The following ANKH variants were observed in gnomAD, a reference collection of about 807,000 sequenced individuals.
The protein encoded by ANKH is ANKH inorganic pyrophosphate transport regulator, also known as mineralization regulator ANKH.
A neutral mutation model predicts 49.0 loss-of-function variants in ANKH; 15 were observed. The observed-to-expected ratio is 0.31, with a 90% CI of 0.20 to 0.47. The LOEUF (loss-of-function observed/expected upper bound fraction) is 0.47. Ranked by LOEUF, ANKH falls within the 20% of genes least tolerant of loss-of-function variation. ANKH has a pLI of 1.00. For missense variants in ANKH, 429 were observed against 652.0 expected, an observed-to-expected ratio of 0.66 and a Z score of 3.72; for synonymous variants, 273 against 260.0, an observed-to-expected ratio of 1.05 and a Z score of -0.48.
chr5:14,850,639 C>A (rs1742097740), intron 1 of ANKH, among the ~76,000 whole-genome samples: 1 of 152,182 alleles, frequency 6.6e-6, no homozygotes, highest in African/African-American at 2.4e-5. Context: ...CCTGGAAAGG[C>A]AGGGTGAATG....
At position 14,805,397 on chromosome 5, in the gene ANKH, C is replaced by CGT. The variant is rs77663812; in HGVS notation, c.97-36208_97-36207dup. ...ATATATGTGTGTATGTGTATATATA[C>CGT]GTGTGTGTGTGTGTGTGTGTGTATC... On this transcript the variant is annotated intron_variant, in intron 1 of 11. Transcript: ENST00000284268. 3.1e-3 allele frequency among the ~76,000 whole-genome samples: 407 copies of CGT among 133,198 alleles called. 1 individual carries two copies. Among genetic ancestry groups the CGT allele is most frequent in the African/African-American group, 6.1e-3 (215 of 35,396 alleles). 87.4% of individuals were successfully genotyped at this position (133,198 alleles called of 152,430 possible). A position where few individuals can be genotyped will look rare whatever the true frequency, so the allele number is the denominator to read the frequency against.
At chr5:14,746,101 AAGCACAGGAC>A (rs1298378334) in intron 6 of ANKH, 139 bp from the exon 7 acceptor site, 1 of 738,476 alleles carries the variant, frequency 1.4e-6, no homozygotes, top group Non-Finnish European at 2.4e-6. Context: ...AACATCAGGC[AAGCACAGGAC>A]GGCCCAGGAC....
chr5:14,716,934 G>T, intron 8 of ANKH, 99 bp from the exon 9 acceptor site: 7 of 1,493,612 alleles, frequency 4.7e-6, no homozygotes, highest in Middle Eastern at 1.7e-4. Flanking sequence ...TTACGAAAGA[G>T]GGACAACCGG....
In ANKH at chr5:14,708,468, GTTTC is replaced by G. The variant is rs1303142486; in HGVS notation, c.*2725_*2728del. 6.6e-6 allele frequency: 1 copy of G among 152,204 alleles called. No homozygotes were observed. Among genetic ancestry groups the G allele is most frequent in the Non-Finnish European group, 1.5e-5 (1 of 68,036 alleles). 9.4% of individuals were successfully genotyped at this position (152,204 alleles called of 1,614,324 possible). A position where few individuals can be genotyped will look rare whatever the true frequency, so the allele number is the denominator to read the frequency against. On this transcript the variant is annotated 3_prime_UTR_variant, in exon 12 of 12. Coordinates refer to ENST00000284268, the MANE Select transcript of ANKH (RefSeq NM_054027.6). ...TGAAAAATAAATGTTTTGGGGGAAT[GTTTC>G]TTTGGTCACAAAAGTCAAAAAGTTG...
At chr5:14,758,403 A>G in intron 3 of ANKH, 77 bp downstream of exon 3, 1 of 1,134,120 alleles carries the variant, frequency 8.8e-7, no homozygotes, top group South Asian at 1.3e-5. Context: ...AATAGCTAAA[A>G]TGGTAGATTT....
In ANKH at chr5:14,711,099, CAAA is replaced by C. The variant is rs771729890; in HGVS notation, c.*95_*97del. 2.6e-6 allele frequency: 3 copies of C among 1,135,526 alleles called. No individual in the cohort carries two copies. Among genetic ancestry groups the C allele is most frequent in the East Asian group, 4.7e-5 (2 of 42,582 alleles). 70.3% of individuals were successfully genotyped at this position (1,135,526 alleles called of 1,614,324 possible). On this transcript the variant is annotated 3_prime_UTR_variant, in exon 12 of 12. Coordinates refer to ENST00000284268, the MANE Select transcript of ANKH (RefSeq NM_054027.6). The stretch of plus-strand genomic sequence containing the variant: ...GGCCTCTTTCATTACCAAAACAAAA[CAAA>C]AAAAAGGGAACAAAATACGATGGGA...
rs527813340 is a variant in ANKH at position 14,796,443 on chromosome 5, G to A, written c.97-27252C>T. Among the ~76,000 whole-genome samples, 24 of 101,758 alleles carry A rather than the reference G, an allele frequency of 2.4e-4. 1 individual carries two copies. The highest frequency in any genetic ancestry group is 6.0e-4 in the African/African-American group (15 of 24,864). 66.8% of individuals were successfully genotyped at this position (101,758 alleles called of 152,430 possible). On this transcript the variant is annotated intron_variant, in intron 1 of 11. Transcript: ENST00000284268. ...AAAACATACATCTTTACAACTTGGC[G>A]GTCCCAAGTTAAAAAAAAAAAACAC...
chr5:14,710,331 T>C lies in ANKH; in HGVS notation c.*866A>G, dbSNP rs1374235187. ...CATGTGACTCGCTCTAATGCGACCT[T>C]CAGGAAAGGCGAGGGAAAAGCAAGC... On this transcript the variant is annotated 3_prime_UTR_variant, in exon 12 of 12. Transcript: ENST00000284268. The C allele has an allele frequency of 6.6e-6, 1 of 152,180 alleles. No homozygotes were observed. Among genetic ancestry groups the C allele is most frequent in the African/African-American group, 2.4e-5 (1 of 41,442 alleles). The allele number at this position is 152,180 out of a possible 1,614,324, so 9.4% of individuals were successfully genotyped here. A position where few individuals can be genotyped will look rare whatever the true frequency, so the allele number is the denominator to read the frequency against.
chr5:14,793,576 A>G (rs1038831194), intron 1 of ANKH, among the ~76,000 whole-genome samples: 14 of 152,188 alleles, frequency 9.2e-5, no homozygotes, highest in African/African-American at 3.4e-4. Flanking sequence ...GTGAAGAGGC[A>G]GAATAAACAG....
intron 8 of ANKH, chr5:14,717,050 A>AC (rs1737494714): frequency 1.8e-6 from 1 of 563,536 alleles, no homozygotes. Flanking sequence ...TACCCAGGGG[A>AC]CCCCCACGGC....
intron 7 of ANKH, among the ~76,000 whole-genome samples, chr5:14,742,982 G>A (rs564516319): frequency 6.6e-6 from 1 of 152,118 alleles, no homozygotes. Context: ...AACAAACCCT[G>A]AACACCTGGC....
chr5:14,755,964 T>G lies in ANKH; in HGVS notation c.433-20A>C. On this transcript the variant is annotated intron_variant, in intron 3 of 11. Coordinates refer to ENST00000284268, the MANE Select transcript of ANKH (RefSeq NM_054027.6). ...CCATGCCTGCCAGAAAGAAAAGAATTTGGCATGAGATACACCTTCAGGATT... is the reference window on the plus strand; with the variant it reads ...CCATGCCTGCCAGAAAGAAAAGAATGTGGCATGAGATACACCTTCAGGATT... 1 of 1,606,492 alleles carries G rather than the reference T, an allele frequency of 6.2e-7. No homozygotes were observed. The highest frequency in any genetic ancestry group is 8.5e-7 in the Non-Finnish European group (1 of 1,173,224).
chr5:14,785,704 A>G (rs1443751092), intron 1 of ANKH, among the ~76,000 whole-genome samples: 2 of 152,230 alleles, frequency 1.3e-5, no homozygotes, highest in Non-Finnish European at 2.9e-5. Flanking sequence ...AAATGTTAAG[A>G]GAAAAACTCT....
intron 8 of ANKH, among the ~76,000 whole-genome samples, chr5:14,739,890 A>C (rs547657879): frequency 4.4e-4 from 67 of 152,358 alleles, no homozygotes; most frequent in South Asian, 2.3e-3. Context: ...ACTTCAAGTC[A>C]CAGATGGTTT....
chr5:14,836,149 A>T (rs1580106213), intron 1 of ANKH, among the ~76,000 whole-genome samples: 1 of 152,170 alleles, frequency 6.6e-6, no homozygotes, highest in Non-Finnish European at 1.5e-5. Context: ...TGACAAACCC[A>T]CAGCCAATAT....
At chr5:14,817,708 C>T (rs561127333) in intron 1 of ANKH, among the ~76,000 whole-genome samples, 1 of 152,336 alleles carries the variant, frequency 6.6e-6, no homozygotes, top group South Asian at 2.1e-4. Flanking sequence ...TTCCCTCTGA[C>T]ATGGCTACAT....
At position 14,843,372 on chromosome 5, in the gene ANKH, C is replaced by T. The variant is rs180824015; in HGVS notation, c.96+27980G>A. Among the ~76,000 whole-genome samples the T allele has an allele frequency of 7.9e-5, 12 of 151,746 alleles. No individual in the cohort carries two copies. The East Asian group carries it at 1.6e-3, about 20-fold the overall frequency. On this transcript the variant is annotated intron_variant, in intron 1 of 11. Coordinates refer to ENST00000284268, the MANE Select transcript of ANKH (RefSeq NM_054027.6). ...TGCATTTTTAGTAGAGATGGCACTT[C>T]GCCATGTTGGTCAGGCTGATCTTGA...
rs907880441 is a variant in ANKH, at chr5:14,706,510, A to G, written c.*4687T>C. ...TGAGAAGAAAATAAAGTCTAAACTT[A>G]AGGTCTTATCATCTCGTTTTTCCCT... On this transcript the variant is annotated 3_prime_UTR_variant, in exon 12 of 12. Transcript: ENST00000284268. 1 of 152,340 alleles carries G rather than the reference A, an allele frequency of 6.6e-6. No homozygotes were observed. The highest frequency in any genetic ancestry group is 2.4e-5 in the African/African-American group (1 of 41,578). 9.4% of individuals were successfully genotyped at this position (152,340 alleles called of 1,614,324 possible). A position where few individuals can be genotyped will look rare whatever the true frequency, so the allele number is the denominator to read the frequency against.
At chr5:14,820,630 A>G (rs940631483) in intron 1 of ANKH, among the ~76,000 whole-genome samples, 2 of 152,222 alleles carry the variant, frequency 1.3e-5, no homozygotes, top group African/African-American at 4.8e-5. Context: ...GATCAATATT[A>G]AGGGTGATCA....
Sources: allele counts gnomAD v4.1 joint callset (sites outside exome capture counted in the v4.1 genomes callset), GRCh38; gene constraint gnomAD v4.1.1; transcripts MANE v1.5; gene names NCBI Gene and HGNC (gene_info 2026-07-23, HGNC 2026-07-21).